The following UMAD1 variants were observed in gnomAD, a reference collection of about 807,000 sequenced individuals.
The protein encoded by UMAD1 is UBAP1-MVB12-associated (UMA)-domain containing protein 1.
UMAD1 carries 8 observed loss-of-function variants against 6.1 expected under a neutral mutation model. That is an observed-to-expected ratio of 1.30 (90% CI 0.76 to 2.35). The LOEUF is 2.35. Among genes scored for constraint, UMAD1 ranks in the 30% most tolerant of loss-of-function variants. The pLI is 0.00. For missense variants in UMAD1, 130 were observed against 78.4 expected (o/e 1.66, Z -2.49); for synonymous variants, 56 against 31.4 (o/e 1.78, Z -2.61).
chr7:7,797,612 C>G (rs1782712498), intron 2 of UMAD1, among the ~76,000 whole-genome samples: 1 of 152,176 alleles, frequency 6.6e-6, no homozygotes, highest in Non-Finnish European at 1.5e-5. Flanking sequence ...ACCATCCTCA[C>G]CCAGTAGAAT....
At chr7:7,717,270 T>C (rs1292908981) in intron 2 of UMAD1, among the ~76,000 whole-genome samples, 1 of 152,136 alleles carries the variant, frequency 6.6e-6, no homozygotes, top group Non-Finnish European at 1.5e-5. Context: ...TTGGCCTGGC[T>C]GGTCTCGAAC....
chr7:7,822,360 A>G (rs978920747), intron 3 of UMAD1, among the ~76,000 whole-genome samples: 13 of 152,062 alleles, frequency 8.5e-5, no homozygotes, highest in African/African-American at 3.1e-4. Flanking sequence ...CTGAAAAGGT[A>G]GTAAGTTAAT....
chr7:7,764,918 A>G (rs1159455572), intron 2 of UMAD1, among the ~76,000 whole-genome samples: 4 of 151,706 alleles, frequency 2.6e-5, no homozygotes, highest in South Asian at 2.1e-4. Context: ...TACCTGCTGT[A>G]TCTTAGCTCT....
chr7:7,819,624 C>T lies in UMAD1; in HGVS notation c.156+17881C>T, dbSNP rs150689584. Among the ~76,000 whole-genome samples the T allele has an allele frequency of 2.8e-4, 42 of 152,220 alleles. No individual in the cohort carries two copies. The East Asian group carries it at 5.8e-3, about 21-fold the overall frequency. ...ACATGGAGAACCAAAACCGGTGTTTCGTGCTTTCAACAAAAATAGTTTTAG... is the reference window on the plus strand; with the variant it reads ...ACATGGAGAACCAAAACCGGTGTTTTGTGCTTTCAACAAAAATAGTTTTAG... On this transcript the variant is annotated intron_variant, in intron 3 of 3. Coordinates refer to ENST00000682710, the MANE Select transcript of UMAD1 (RefSeq NM_001302348.2).
At chr7:7,787,842 T>C (rs549184331) in intron 2 of UMAD1, among the ~76,000 whole-genome samples, 31 of 151,414 alleles carry the variant, frequency 2.0e-4, no homozygotes, top group African/African-American at 7.5e-4. Context: ...AGATCTCTCC[T>C]TAAGCCTTTT....
intron 3 of UMAD1, among the ~76,000 whole-genome samples, chr7:7,873,784 A>T (rs546715001): frequency 6.6e-6 from 1 of 152,326 alleles, no homozygotes; most frequent in East Asian, 1.9e-4. Context: ...TTAGCTTATA[A>T]ATTGTCATTA....
rs143683286 is a variant in UMAD1 at position 7,792,377 on chromosome 7, A to G, written c.83-9293A>G. Among the ~76,000 whole-genome samples, 260 of 152,284 alleles carry G rather than the reference A, an allele frequency of 1.7e-3. 2 individuals carry two copies. The highest frequency in any genetic ancestry group is 6.1e-3 in the African/African-American group (255 of 41,564). On this transcript the variant is annotated intron_variant, in intron 2 of 3. Coordinates refer to ENST00000682710, the MANE Select transcript of UMAD1 (RefSeq NM_001302348.2). ...CAATTAGTACTTTTGTTTTCTCTCT[A>G]TTCCTCTTTTCTTCATTATGGTGGA...
At chr7:7,788,904 C>T (rs1430958919) in intron 2 of UMAD1, among the ~76,000 whole-genome samples, 1 of 152,110 alleles carries the variant, frequency 6.6e-6, no homozygotes, top group Middle Eastern at 3.2e-3. Flanking sequence ...ACATATTCGC[C>T]CTGAAATTCT....
intron 3 of UMAD1, among the ~76,000 whole-genome samples, chr7:7,834,016 CTTT>C (rs4034895): frequency 0.31 from 35,185 of 111,890 alleles, 4,918 homozygotes; most frequent in Admixed American, 0.41. Context: ...TTTTTCTTTT[CTTT>C]TTTTTTTTTT....
intron 2 of UMAD1, among the ~76,000 whole-genome samples, chr7:7,783,022 C>T (rs1005126590): frequency 5.9e-5 from 9 of 152,204 alleles, no homozygotes; most frequent in Admixed American, 2.0e-4. Context: ...CATGAGGCAT[C>T]GTGCCCAACC....
intron 2 of UMAD1, among the ~76,000 whole-genome samples, chr7:7,700,507 T>C (rs1780433165): frequency 6.6e-6 from 1 of 152,142 alleles, no homozygotes; most frequent in African/African-American, 2.4e-5. Context: ...GGAAGATCGC[T>C]TGAGGCCATA....
intron 2 of UMAD1, among the ~76,000 whole-genome samples, chr7:7,678,556 T>G (rs577187989): frequency 1.1e-3 from 147 of 138,556 alleles, no homozygotes; most frequent in African/African-American, 3.7e-3. Context: ...TAAATATATA[T>G]TTATATACTT....
intron 3 of UMAD1, among the ~76,000 whole-genome samples, chr7:7,806,692 G>T (rs114933167): frequency 0.012 from 1,856 of 151,958 alleles, 40 homozygotes; most frequent in African/African-American, 0.042. Flanking sequence ...ATTATTTTTG[G>T]CACTCTTACT....
intron 2 of UMAD1, among the ~76,000 whole-genome samples, chr7:7,709,543 C>T (rs949020101): frequency 8.5e-5 from 13 of 152,208 alleles, no homozygotes; most frequent in Admixed American, 6.5e-5. Flanking sequence ...AAAAGTCAGG[C>T]GCTGAGCCTG....
intron 2 of UMAD1, among the ~76,000 whole-genome samples, chr7:7,685,402 TG>T (rs1352158872): frequency 1.3e-5 from 2 of 151,470 alleles, no homozygotes; most frequent in Middle Eastern, 3.2e-3. Context: ...CTCTGCCTCA[TG>T]GGTTCAAGCG....
At chr7:7,782,786 G>T (rs1023840642) in intron 2 of UMAD1, among the ~76,000 whole-genome samples, 1 of 148,330 alleles carries the variant, frequency 6.7e-6, no homozygotes, top group Admixed American at 6.8e-5. Flanking sequence ...ACCCAGGTTG[G>T]AGTGCAGTGG....
intron 3 of UMAD1, among the ~76,000 whole-genome samples, chr7:7,808,584 G>C (rs753098311): frequency 6.6e-6 from 1 of 151,850 alleles, no homozygotes; most frequent in Non-Finnish European, 1.5e-5. Context: ...TTTTAATCTA[G>C]TTTTAGCAGA....
At chr7:7,663,756 G>T (rs888620839) in intron 1 of UMAD1, among the ~76,000 whole-genome samples, 1 of 152,162 alleles carries the variant, frequency 6.6e-6, no homozygotes, top group African/African-American at 2.4e-5. Context: ...AAATTGGTTA[G>T]TATCCCCGGG....
chr7:7,660,871 T>C (rs1785458014), intron 1 of UMAD1, among the ~76,000 whole-genome samples: 1 of 152,250 alleles, frequency 6.6e-6, no homozygotes, highest in African/African-American at 2.4e-5. Flanking sequence ...GGAGAAGTTC[T>C]CCTGGATAAT....
Sources: gnomAD v4.1 joint callset for allele counts (sites outside exome capture counted in the v4.1 genomes callset) on GRCh38, gnomAD v4.1.1 for gene constraint, MANE v1.5 for transcripts, NCBI Gene and HGNC (gene_info 2026-07-23, HGNC 2026-07-21) for gene names.